BRI3: variants seen among roughly 807,000 people sequenced by gnomAD.
BRI3 encodes membrane protein BRI3.
In BRI3, 6 loss-of-function variants were observed where a neutral mutation model predicts 12.8. The ratio of observed to expected loss-of-function variants is 0.47; its 90% CI spans 0.26 to 0.93. BRI3 has a LOEUF of 0.93. Among genes scored for constraint, BRI3 ranks in the 40% least tolerant of loss-of-function variants. BRI3 has a pLI of 0.15. For synonymous variants in BRI3, 91 were observed against 76.1 expected (o/e 1.20, Z -1.02); for missense variants, 134 against 171.1 (o/e 0.78, Z 1.21).
downstream of BRI3, chr7:98,293,943 C>T (rs2116773096): frequency 1.9e-6 from 2 of 1,076,844 alleles, no homozygotes; most frequent in Admixed American, 2.1e-5. Context: ...GGCTGCACTC[C>T]CCCATGGCTC....
intron 1 of BRI3, among the ~76,000 whole-genome samples, chr7:98,298,945 G>T (rs1800302449): frequency 6.6e-6 from 1 of 151,998 alleles, no homozygotes; most frequent in Non-Finnish European, 1.5e-5. Context: ...GGGCTCAATC[G>T]ATCCTCTCAC....
the BRI3 span, among the ~76,000 whole-genome samples, chr7:98,318,018 T>C: frequency 6.6e-6 from 1 of 151,838 alleles, no homozygotes; most frequent in Non-Finnish European, 1.5e-5. Flanking sequence ...ATCTGCATGA[T>C]GGCTGGGACC....
chr7:98,298,751 G>T (rs1441384766), intron 1 of BRI3, among the ~76,000 whole-genome samples: 1 of 152,186 alleles, frequency 6.6e-6, no homozygotes, highest in Non-Finnish European at 1.5e-5. Flanking sequence ...GTTATTAATC[G>T]AGGTGGACAT....
upstream of BRI3, among the ~76,000 whole-genome samples, chr7:98,305,154 G>A (rs1195149465): frequency 7.0e-6 from 1 of 142,760 alleles, no homozygotes; most frequent in Non-Finnish European, 1.5e-5. Flanking sequence ...GCCTCCCAAA[G>A]TGCTGGGATT....
intron 1 of BRI3, among the ~76,000 whole-genome samples, chr7:98,300,455 G>T (rs1296843971): frequency 6.6e-6 from 1 of 152,248 alleles, no homozygotes; most frequent in Non-Finnish European, 1.5e-5. Context: ...TTTGCAGTCT[G>T]CATAGGATGT....
chr7:98,292,936 C>G (rs1450461038), downstream of BRI3: 52 of 1,319,206 alleles, frequency 3.9e-5, no homozygotes, highest in Non-Finnish European at 4.3e-5. Context: ...TCTTAGCACT[C>G]TACAGCTCTG....
intron 2 of BRI3, among the ~76,000 whole-genome samples, chr7:98,285,920 C>CT (rs1271557449): frequency 6.6e-6 from 1 of 152,168 alleles, no homozygotes; most frequent in Non-Finnish European, 1.5e-5. Flanking sequence ...TGCGTCTCCC[C>CT]TTTTCCTGGC....
At chr7:98,311,965 G>T, downstream of BRI3, 1 of 894,000 alleles carries the variant, frequency 1.1e-6, no homozygotes. Flanking sequence ...AAGGTAAGGG[G>T]ATAGAGGTGC....
rs1286384976 is a variant in BRI3 at position 98,283,448 on chromosome 7, G to A, written c.245+995G>A. On this transcript the variant is annotated intron_variant, in intron 2 of 2. Coordinates refer to ENST00000297290, the MANE Select transcript of BRI3 (RefSeq NM_015379.5). Reference sequence around the variant, plus strand: ...AGGTTGTGGCTGCTTGCCTGCACAGGGACCCCGTGACAAACCCTAACTGGG... The same window carrying A: ...AGGTTGTGGCTGCTTGCCTGCACAGAGACCCCGTGACAAACCCTAACTGGG... Among the ~76,000 whole-genome samples the A allele has an allele frequency of 5.3e-5, 8 of 152,134 alleles. No homozygotes were observed. The South Asian group carries it at 1.2e-3, about 24-fold the overall frequency.
At chr7:98,282,300 C>G in intron 1 of BRI3, 51 bp from the exon 2 acceptor site, 1 of 1,449,166 alleles carries the variant, frequency 6.9e-7, no homozygotes, top group African/African-American at 1.4e-5. Context: ...GTCCCCGTGG[C>G]GGTCCGATTT....
At chr7:98,301,325 T>A (rs1364946198) in intron 1 of BRI3, among the ~76,000 whole-genome samples, 1 of 152,160 alleles carries the variant, frequency 6.6e-6, no homozygotes, top group Non-Finnish European at 1.5e-5. Context: ...CTCAAACACG[T>A]GCAGAATCAA....
At chr7:98,298,712 GT>G (rs1190285605) in intron 1 of BRI3, among the ~76,000 whole-genome samples, 2 of 152,200 alleles carry the variant, frequency 1.3e-5, no homozygotes, top group African/African-American at 2.4e-5. Flanking sequence ...TCATCAGCTG[GT>G]TTAGGCATTT....
At chr7:98,307,463 T>C in intron 1 of BRI3, 2 of 1,406,924 alleles carry the variant, frequency 1.4e-6, no homozygotes, top group Non-Finnish European at 1.8e-6. Context: ...GACAGGTGAC[T>C]TCATACGCTC....
chr7:98,296,808 C>T (rs912338788), downstream of BRI3, among the ~76,000 whole-genome samples: 2 of 152,220 alleles, frequency 1.3e-5, no homozygotes, highest in African/African-American at 4.8e-5. Context: ...CAAAGGAGAC[C>T]CACGAGGGCA....
rs376044758 is a variant in BRI3 at position 98,300,036 on chromosome 7, G to A, written c.72-6447G>A. Among the ~76,000 whole-genome samples the A allele has an allele frequency of 2.2e-4, 34 of 152,264 alleles. No individual in the cohort carries two copies. The South Asian group carries it at 5.6e-3, about 25-fold the overall frequency. ...AGCCTGGGCGACAGAGCAAGACTCC[G>A]TCTCATAAATAAATAAATAAACAAA... On this transcript the variant is annotated intron_variant and NMD_transcript_variant, in intron 1 of 2. Coordinates refer to the BRI3 transcript ENST00000491463.
chr7:98,296,685 C>T (rs973292536), downstream of BRI3, among the ~76,000 whole-genome samples: 1 of 152,188 alleles, frequency 6.6e-6, no homozygotes, highest in Non-Finnish European at 1.5e-5. Context: ...ACATATTGGA[C>T]GTGTTCAGGC....
intron 2 of BRI3, among the ~76,000 whole-genome samples, chr7:98,287,314 C>T (rs1338449534): frequency 3.3e-5 from 5 of 152,186 alleles, no homozygotes; most frequent in Admixed American, 2.0e-4. Context: ...TTAGGAGGTG[C>T]CGGAGTGGGT....
chr7:98,319,548 CTTTT>C, the BRI3 span, among the ~76,000 whole-genome samples: 9 of 138,542 alleles, frequency 6.5e-5, no homozygotes, highest in Admixed American at 5.1e-4. Flanking sequence ...TTTCCTATGC[CTTTT>C]TTTTTTTTTT....
At chr7:98,286,353 T>C (rs892021653) in intron 2 of BRI3, among the ~76,000 whole-genome samples, 1 of 152,238 alleles carries the variant, frequency 6.6e-6, no homozygotes, top group Admixed American at 6.5e-5. Context: ...GACTGGCCAC[T>C]TTCACTGCAG....
Sources: allele counts gnomAD v4.1 joint callset (sites outside exome capture counted in the v4.1 genomes callset), GRCh38; gene constraint gnomAD v4.1.1; transcripts MANE v1.5; gene names NCBI Gene and HGNC (gene_info 2026-07-23, HGNC 2026-07-21).